BMP3: variants seen among roughly 807,000 people sequenced by gnomAD.
The protein encoded by BMP3 is bone morphogenetic protein 3, also known as bone morphogenetic protein 3 (osteogenic).
In BMP3, 23 loss-of-function variants were observed where a neutral mutation model predicts 38.1. The ratio of observed to expected loss-of-function variants is 0.60; its 90% CI spans 0.43 to 0.86. The LOEUF is 0.86. Ranked by LOEUF, BMP3 falls within the 40% of genes least tolerant of loss-of-function variation. BMP3 has a pLI of 0.00. For missense variants in BMP3, 628 were observed against 579.6 expected, an observed-to-expected ratio of 1.08 and a Z score of -0.86; for synonymous variants, 258 against 225.7, an observed-to-expected ratio of 1.14 and a Z score of -1.28.
At position 81,053,466 on chromosome 4, in the gene BMP3, T is replaced by A. The variant is rs199975567; in HGVS notation, c.1349T>A (p.Phe450Tyr). 2.0e-4 allele frequency: 329 copies of A among 1,609,912 alleles called. No individual in the cohort carries two copies. Among genetic ancestry groups the A allele is most frequent in the Middle Eastern group, 6.6e-4 (4 of 6,056 alleles). Residue 450 changes from phenylalanine (F) to tyrosine (Y), a missense_variant, in exon 3 of 3, where the codon TTT becomes TAT. Coordinates refer to ENST00000282701, the MANE Select transcript of BMP3 (RefSeq NM_001201.5). ...ATGTCCTCACTCAGTATTTTATTCT[T>A]TGATGAAAATAAGAATGTAGTGCTT... Reference protein sequence around the residue: ...EKMSSLSILFFDENKNVVLKV... With the variant: ...EKMSSLSILFYDENKNVVLKV...
In BMP3 at chr4:81,056,844, TAA is replaced by T. The variant is rs1310555829; in HGVS notation, c.*3309_*3310del. On this transcript the variant is annotated 3_prime_UTR_variant, in exon 3 of 3. Coordinates refer to ENST00000282701, the MANE Select transcript of BMP3 (RefSeq NM_001201.5). ...GGCAATCAAATGTGAGTAATACTGC[TAA>T]GAGTCTGATTTATTAAAAATATTTG... is the stretch of plus-strand genomic sequence containing the variant. 2 of 152,652 alleles carry T rather than the reference TAA, an allele frequency of 1.3e-5. No individual in the cohort carries two copies. The highest frequency in any genetic ancestry group is 2.4e-5 in the African/African-American group (1 of 41,466). The allele number at this position is 152,652 out of a possible 1,614,324, so 9.5% of individuals were successfully genotyped here.
chr4:81,047,967 A>T (rs977790763), intron 2 of BMP3, among the ~76,000 whole-genome samples: 74 of 132,634 alleles, frequency 5.6e-4, no homozygotes, highest in African/African-American at 1.9e-3. Flanking sequence ...AAAAAAAAAA[A>T]AGCAAAGGGC....
intron 1 of BMP3, among the ~76,000 whole-genome samples, chr4:81,039,392 T>C (rs4403042): frequency 0.91 from 138,252 of 152,188 alleles, 64,215 homozygotes; most frequent in East Asian, 1. Context: ...TAGAAAGCTT[T>C]CCATTGTATG....
At position 81,053,707 on chromosome 4, in the gene BMP3, A is replaced by G; in HGVS notation, c.*171A>G. Reference sequence around the variant, plus strand: ...TAGACTGAAGATTGCCACCAAGGAAAAGAACTGTATTTGTTTCTGAATGTA... The same window carrying G: ...TAGACTGAAGATTGCCACCAAGGAAGAGAACTGTATTTGTTTCTGAATGTA... On this transcript the variant is annotated 3_prime_UTR_variant, in exon 3 of 3. Coordinates refer to ENST00000282701, the MANE Select transcript of BMP3 (RefSeq NM_001201.5). 2.3e-6 allele frequency: 1 copy of G among 433,428 alleles called. No individual in the cohort carries two copies. The highest frequency in any genetic ancestry group is 2.0e-5 in the African/African-American group (1 of 48,900). 26.8% of individuals were successfully genotyped at this position (433,428 alleles called of 1,614,324 possible).
chr4:81,032,209 A>AAAAAAAAAAAAC lies in BMP3; in HGVS notation c.316+611_316+622dup, dbSNP rs1739795954. Among the ~76,000 whole-genome samples, 3 of 150,532 alleles carry AAAAAAAAAAAAC rather than the reference A, an allele frequency of 2.0e-5. 1 individual carries two copies. The highest frequency in any genetic ancestry group is 7.3e-5 in the African/African-American group (3 of 40,980). On this transcript the variant is annotated intron_variant, in intron 1 of 2. Coordinates refer to ENST00000282701, the MANE Select transcript of BMP3 (RefSeq NM_001201.5). ...TCCTTAGTGGCAAAAAAAAAAAAAAAAAAAAAAAAAACAGGTGCTTGGGTG... is the reference window on the plus strand; with the variant it reads ...TCCTTAGTGGCAAAAAAAAAAAAAAAAAAAAAAAAAACAAAAAAAAAAACAGGTGCTTGGGTG...
In BMP3 at chr4:81,057,230, T is replaced by C. The variant is rs917034759; in HGVS notation, c.*3694T>C. ...TAAATATATATATATATATAATATATGTATATGGAAAAGGTTCAAAGATGC... is the reference window on the plus strand; with the variant it reads ...TAAATATATATATATATATAATATACGTATATGGAAAAGGTTCAAAGATGC... On this transcript the variant is annotated 3_prime_UTR_variant, in exon 3 of 3. Coordinates refer to ENST00000282701, the MANE Select transcript of BMP3 (RefSeq NM_001201.5). The C allele has an allele frequency of 1.3e-5, 2 of 151,478 alleles. No individual in the cohort carries two copies. Among genetic ancestry groups the C allele is most frequent in the Non-Finnish European group, 2.9e-5 (2 of 67,848 alleles). The allele number at this position is 151,478 out of a possible 1,614,324, so 9.4% of individuals were successfully genotyped here. A position where few individuals can be genotyped will look rare whatever the true frequency, so the allele number is the denominator to read the frequency against.
chr4:81,048,615 C>T (rs17005034), intron 2 of BMP3, among the ~76,000 whole-genome samples: 12,182 of 152,108 alleles, frequency 0.08, 596 homozygotes, highest in South Asian at 0.24. Context: ...TTTACTGTTC[C>T]GAAACCTGCT....
intron 2 of BMP3, among the ~76,000 whole-genome samples, chr4:81,048,348 A>T (rs1041644411): frequency 1.3e-5 from 2 of 152,200 alleles, no homozygotes; most frequent in African/African-American, 4.8e-5. Flanking sequence ...TAAACCCAGG[A>T]TGACTGACTT....
intron 2 of BMP3, among the ~76,000 whole-genome samples, chr4:81,050,725 C>A (rs569996964): frequency 6.6e-6 from 1 of 152,232 alleles, no homozygotes; most frequent in Non-Finnish European, 1.5e-5. Flanking sequence ...AACATTAAAT[C>A]TTGATGTGCT....
chr4:81,050,941 A>T (rs1740387168), intron 2 of BMP3, among the ~76,000 whole-genome samples: 1 of 152,148 alleles, frequency 6.6e-6, no homozygotes, highest in Non-Finnish European at 1.5e-5. Flanking sequence ...TTACACCAGC[A>T]AATTACCGGA....
At chr4:81,046,677 C>A in intron 2 of BMP3, 29 bp downstream of exon 2, 1 of 1,562,084 alleles carries the variant, frequency 6.4e-7, no homozygotes, top group Non-Finnish European at 8.7e-7. Flanking sequence ...CCTGTACTTA[C>A]TTCCTATTTC....
In BMP3 at chr4:81,056,764, T is replaced by A. The variant is rs1740581683; in HGVS notation, c.*3228T>A. On this transcript the variant is annotated 3_prime_UTR_variant, in exon 3 of 3. Coordinates refer to ENST00000282701, the MANE Select transcript of BMP3 (RefSeq NM_001201.5). Reference sequence around the variant, plus strand: ...CTGATGATCATTTATATGTTAAGATTTTTTACCTTAATATTTCTGAATAAA... The same window carrying A: ...CTGATGATCATTTATATGTTAAGATATTTTACCTTAATATTTCTGAATAAA... 1 of 152,574 alleles carries A rather than the reference T, an allele frequency of 6.6e-6. No homozygotes were observed. Among genetic ancestry groups the A allele is most frequent in the Non-Finnish European group, 1.5e-5 (1 of 68,020 alleles). 9.5% of individuals were successfully genotyped at this position (152,574 alleles called of 1,614,324 possible). A position where few individuals can be genotyped will look rare whatever the true frequency, so the allele number is the denominator to read the frequency against.
At position 81,031,580 on chromosome 4, in the gene BMP3, G is replaced by C. The variant is rs773283840; in HGVS notation, c.296G>C (p.Ser99Thr). Residue 99 changes from serine (S) to threonine (T), a missense_variant, in exon 1 of 3, where the codon AGC becomes ACC. By Grantham distance (58) the Ser-to-Thr change is moderately conservative. Transcript: ENST00000282701. ...CTGCGCGAAGGCAACACGGTTCGCA[G>C]CTTTCGGGCGGCAGCAGCAGGTGAG... The part of the protein sequence containing the change: ...RLLREGNTVR[S>T]FRAAAAETLE... The C allele has an allele frequency of 2.5e-6, 4 of 1,602,816 alleles. No homozygotes were observed. Among genetic ancestry groups the C allele is most frequent in the South Asian group, 1.1e-5 (1 of 89,516 alleles).
At position 81,044,843 on chromosome 4, in the gene BMP3, T is replaced by A. The variant is rs535796898; in HGVS notation, c.317-895T>A. Among the ~76,000 whole-genome samples, 14 of 152,356 alleles carry A rather than the reference T, an allele frequency of 9.2e-5. No individual in the cohort carries two copies. The South Asian group carries it at 1.4e-3, about 16-fold the overall frequency. ...GAAGAATAATATTTGATTGTATGGG[T>A]ATACCACAATTTCTTTATCCATTCA... On this transcript the variant is annotated intron_variant, in intron 1 of 2. Coordinates refer to ENST00000282701, the MANE Select transcript of BMP3 (RefSeq NM_001201.5).
In BMP3 at chr4:81,046,362, T is replaced by A; in HGVS notation, c.941T>A (p.Val314Glu). ...GAATACCAGTATAAAAAGGATGAGG[T>A]GTGGGAGGAGAGAAAGCCTTACAAG... is the stretch of plus-strand genomic sequence containing the variant. Reference protein sequence around the residue: ...GAEYQYKKDEVWEERKPYKTL... With the variant: ...GAEYQYKKDEEWEERKPYKTL... Residue 314 changes from valine to glutamate, a missense_variant, in exon 2 of 3, where the codon GTG (valine) becomes GAG (glutamate). By Grantham distance (121) the Val-to-Glu change is moderately radical. Transcript: ENST00000282701. 2.5e-6 allele frequency: 4 copies of A among 1,613,624 alleles called. No individual in the cohort carries two copies. Among genetic ancestry groups the A allele is most frequent in the Non-Finnish European group, 2.5e-6 (3 of 1,179,950 alleles).
chr4:81,052,985 G>A (rs1009330977), intron 2 of BMP3, among the ~76,000 whole-genome samples: 1 of 152,100 alleles, frequency 6.6e-6, no homozygotes, highest in Non-Finnish European at 1.5e-5. Flanking sequence ...TAAGTTGTTT[G>A]TAATTAAATG....
chr4:81,030,947 A>G lies in BMP3; in HGVS notation c.-338A>G, dbSNP rs775346206. ...GCCGGGTGTTCCCAAAAATAAAGCG[A>G]GGAGGGAAGGTACAGACAGATCTTG... On this transcript the variant is annotated 5_prime_UTR_variant, in exon 1 of 3. Transcript: ENST00000282701. The G allele has an allele frequency of 7.9e-4, 198 of 251,548 alleles. No homozygotes were observed. Among genetic ancestry groups the G allele is most frequent in the Non-Finnish European group, 1.2e-3 (161 of 132,326 alleles). The allele number at this position is 251,548 out of a possible 1,614,324, so 15.6% of individuals were successfully genotyped here. A position where few individuals can be genotyped will look rare whatever the true frequency, so the allele number is the denominator to read the frequency against.
intron 1 of BMP3, among the ~76,000 whole-genome samples, chr4:81,032,278 T>C (rs534614770): frequency 7.0e-5 from 10 of 143,254 alleles, no homozygotes; most frequent in Admixed American, 4.2e-4. Flanking sequence ...GGTTGTACCA[T>C]CCATCCTGGG....
rs1429081620 is a variant in BMP3 at position 81,046,454 on chromosome 4, A to G, written c.1033A>G (p.Lys345Glu). ...KKKQRKGPHR[K>E]SQTLQFDEQT... ...GAAACAGAGAAAGGGGCCTCATCGG[A>G]AGAGCCAGACGCTCCAATTTGATGA... The change falls in exon 2 of 3, where the codon AAG becomes GAG. Residue 345 changes from lysine to glutamate, a missense_variant. By Grantham distance (56) the Lys-to-Glu change is moderately conservative. Transcript: ENST00000282701. The G allele has an allele frequency of 1.2e-6, 2 of 1,613,942 alleles. No homozygotes were observed. Among genetic ancestry groups the G allele is most frequent in the African/African-American group, 2.7e-5 (2 of 74,924 alleles).
Sources: gnomAD v4.1 joint callset for allele counts (sites outside exome capture counted in the v4.1 genomes callset) on GRCh38, gnomAD v4.1.1 for gene constraint, MANE v1.5 for transcripts, NCBI Gene and HGNC (gene_info 2026-07-23, HGNC 2026-07-21) for gene names.